The following RHNO1 variants were observed in gnomAD, a reference collection of about 807,000 sequenced individuals.
The protein encoded by RHNO1 is RAD9-HUS1-RAD1 interacting nuclear orphan 1.
In RHNO1, 9 loss-of-function variants were observed where a neutral mutation model predicts 7.2. The ratio of observed to expected loss-of-function variants is 1.25; its 90% CI spans 0.75 to 2.18. The LOEUF is 2.18. Among genes scored for constraint, RHNO1 ranks in the 30% most tolerant of loss-of-function variants. RHNO1 has a pLI of 0.00. For synonymous variants in RHNO1, 95 were observed against 107.5 expected, an observed-to-expected ratio of 0.88 and a Z score of 0.72; for missense variants, 292 against 284.5, an observed-to-expected ratio of 1.03 and a Z score of -0.19.
intron 1 of RHNO1, among the ~76,000 whole-genome samples, chr12:2,884,209 C>T (rs1393092010): frequency 6.6e-6 from 1 of 151,824 alleles, no homozygotes; most frequent in Non-Finnish European, 1.5e-5. Context: ...TACAGGCATG[C>T]ACCACCACAC....
intron 1 of RHNO1, among the ~76,000 whole-genome samples, chr12:2,879,814 A>G (rs1486896284): frequency 1.3e-5 from 2 of 151,982 alleles, no homozygotes; most frequent in Non-Finnish European, 2.9e-5. Flanking sequence ...ATAGAGTGAG[A>G]ACAGCTCCAA....
At chr12:2,883,851 G>T (rs1031370576) in intron 1 of RHNO1, among the ~76,000 whole-genome samples, 2 of 151,856 alleles carry the variant, frequency 1.3e-5, no homozygotes, top group African/African-American at 4.8e-5. Context: ...AGGGATAGAA[G>T]AAGTGGCTAG....
rs2098147270 is a variant in RHNO1, at chr12:2,877,256, A to C, written c.-111A>C. 1 of 152,064 alleles carries C rather than the reference A, an allele frequency of 6.6e-6. No homozygotes were observed. Among genetic ancestry groups the C allele is most frequent in the African/African-American group, 2.4e-5 (1 of 41,364 alleles). The allele number at this position is 152,064 out of a possible 1,614,324, so 9.4% of individuals were successfully genotyped here. A position where few individuals can be genotyped will look rare whatever the true frequency, so the allele number is the denominator to read the frequency against. ...CTCGAAGGCTGTGCGGTCTGCCAGG[A>C]GCTGCGGCCCCGTCCGGCCCGGGCT... is the stretch of plus-strand genomic sequence containing the variant. On this transcript the variant is annotated 5_prime_UTR_variant, in exon 1 of 3. Transcript: ENST00000489288.
intron 1 of RHNO1, among the ~76,000 whole-genome samples, chr12:2,880,431 A>G (rs1319643583): frequency 1.3e-5 from 2 of 151,924 alleles, no homozygotes; most frequent in Admixed American, 1.3e-4. Flanking sequence ...AGTCTGGCCA[A>G]CGTGGTGAAA....
rs571048470 is a variant in RHNO1, at chr12:2,883,808, G to A, written c.-84-1475G>A. On this transcript the variant is annotated intron_variant, in intron 1 of 2. Transcript: ENST00000489288. ...TGGGATTACAGGCATGAGCCACCGC[G>A]CCCGGCCAAATATATTTTCTTCCAA... Among the ~76,000 whole-genome samples the A allele has an allele frequency of 3.7e-4, 56 of 151,700 alleles. 1 individual carries two copies. Among genetic ancestry groups the A allele is most frequent in the African/African-American group, 1.3e-3 (54 of 41,300 alleles).
Position 2,885,303 on chromosome 12 carries a change from C to T in RHNO1, c.-64C>T. ...TACAGGCATGGGTTGGAATTGGAGC[C>T]TATCCCCCAACCCGAAGGCTAACAG... is the stretch of plus-strand genomic sequence containing the variant. On this transcript the variant is annotated 5_prime_UTR_variant, in exon 2 of 3. Coordinates refer to ENST00000489288, the MANE Select transcript of RHNO1 (RefSeq NM_001252499.3). 1 of 1,443,186 alleles carries T rather than the reference C, an allele frequency of 6.9e-7. No homozygotes were observed. Among genetic ancestry groups the T allele is most frequent in the Non-Finnish European group, 9.5e-7 (1 of 1,056,794 alleles). 89.4% of individuals were successfully genotyped at this position (1,443,186 alleles called of 1,614,324 possible). A position where few individuals can be genotyped will look rare whatever the true frequency, so the allele number is the denominator to read the frequency against.
At chr12:2,887,841 C>A in intron 2 of RHNO1, 70 bp from the exon 3 acceptor site, 2 of 1,259,536 alleles carry the variant, frequency 1.6e-6, no homozygotes, top group South Asian at 1.6e-5. Context: ...AGAGTCTGGT[C>A]ATCAGATACA....
chr12:2,877,309 G>C (rs973821429), intron 1 of RHNO1, 27 bp downstream of exon 1: 3 of 148,762 alleles, frequency 2.0e-5, no homozygotes, highest in Non-Finnish European at 4.4e-5. Flanking sequence ...GCCGGCTTGT[G>C]GGGGAAGAAG....
intron 1 of RHNO1, among the ~76,000 whole-genome samples, chr12:2,879,293 T>TG (rs1412606403): frequency 2.0e-5 from 3 of 151,926 alleles, no homozygotes; most frequent in Non-Finnish European, 4.4e-5. Context: ...CATGAGCCAC[T>TG]GTGCGCGGCC....
intron 1 of RHNO1, among the ~76,000 whole-genome samples, chr12:2,884,858 A>G (rs1314574339): frequency 2.0e-5 from 3 of 151,990 alleles, no homozygotes; most frequent in Non-Finnish European, 2.9e-5. Flanking sequence ...TGTTTCTTCT[A>G]TGCCTTTCAT....
chr12:2,888,215 AGAC>A lies in RHNO1; in HGVS notation c.474_476del (p.Gln158_Thr159delinsHis). 6.2e-7 allele frequency: 1 copy of A among 1,614,106 alleles called. No individual in the cohort carries two copies. Among genetic ancestry groups the A allele is most frequent in the Non-Finnish European group, 8.5e-7 (1 of 1,179,996 alleles). ...TATGTGTTCATTCCACCTGATATCC[AGAC>A]CCCAGAGTCATCGTCTGTGAAGGAA... On this transcript the variant is annotated inframe_deletion, in exon 3 of 3. Transcript: ENST00000489288.
intron 1 of RHNO1, among the ~76,000 whole-genome samples, chr12:2,883,891 C>T (rs7134422): frequency 0.44 from 66,317 of 151,058 alleles, 15,390 homozygotes; most frequent in East Asian, 0.64. Flanking sequence ...TTAGCCTAGC[C>T]GACAGTTATT....
At position 2,889,306 on chromosome 12, in the gene RHNO1, G is replaced by GT. The variant is rs1184969910; in HGVS notation, c.*851dup. The GT allele has an allele frequency of 1.3e-5, 2 of 152,188 alleles. No homozygotes were observed. The highest frequency in any genetic ancestry group is 2.9e-5 in the Non-Finnish European group (2 of 68,040). 9.4% of individuals were successfully genotyped at this position (152,188 alleles called of 1,614,324 possible). ...AGATGAGTTCTTTAGGATTGCGTGTGTTTTGAGTTTTTGTTTCTAACTGAA... is the reference window on the plus strand; with the variant it reads ...AGATGAGTTCTTTAGGATTGCGTGTGTTTTTGAGTTTTTGTTTCTAACTGAA... On this transcript the variant is annotated 3_prime_UTR_variant, in exon 3 of 3. Coordinates refer to ENST00000489288, the MANE Select transcript of RHNO1 (RefSeq NM_001252499.3).
At chr12:2,884,399 G>A (rs1163602783) in intron 1 of RHNO1, among the ~76,000 whole-genome samples, 3 of 152,286 alleles carry the variant, frequency 2.0e-5, no homozygotes, top group Non-Finnish European at 4.4e-5. Flanking sequence ...GCTAGTTTTT[G>A]TATTTTTAGT....
intron 1 of RHNO1, among the ~76,000 whole-genome samples, chr12:2,881,237 G>A (rs941967452): frequency 1.3e-5 from 2 of 151,740 alleles, no homozygotes; most frequent in Admixed American, 6.6e-5. Flanking sequence ...TGAGTAGCAG[G>A]GATTATAGGT....
intron 2 of RHNO1, 90 bp from the exon 3 acceptor site, chr12:2,887,821 C>A: frequency 2.8e-6 from 3 of 1,075,966 alleles, no homozygotes; most frequent in Non-Finnish European, 4.0e-6. Flanking sequence ...CTACAGTAGA[C>A]CCCGATTTAA....
chr12:2,888,762 T>G lies in RHNO1; in HGVS notation c.*303T>G. 4.2e-6 allele frequency: 1 copy of G among 239,644 alleles called. No homozygotes were observed. Among genetic ancestry groups the G allele is most frequent in the Non-Finnish European group, 8.1e-6 (1 of 123,448 alleles). The allele number at this position is 239,644 out of a possible 1,614,324, so 14.8% of individuals were successfully genotyped here. ...CCAGGCTGGTCTCAAAATCCTGACC[T>G]CAAGTCATCTGCTGGCCTTGACCTC... On this transcript the variant is annotated 3_prime_UTR_variant, in exon 3 of 3. Coordinates refer to ENST00000489288, the MANE Select transcript of RHNO1 (RefSeq NM_001252499.3).
chr12:2,887,803 G>C, intron 2 of RHNO1, 108 bp from the exon 3 acceptor site: 1 of 870,234 alleles, frequency 1.1e-6, no homozygotes, highest in Non-Finnish European at 1.7e-6. Flanking sequence ...TTAGTTTTGT[G>C]TTCATTACTA....
intron 1 of RHNO1, among the ~76,000 whole-genome samples, chr12:2,883,084 A>AAAAAAAACACAC (rs1176902071): frequency 6.0e-4 from 60 of 99,798 alleles, no homozygotes; most frequent in African/African-American, 2.3e-3. Flanking sequence ...AAAAAAAAAA[A>AAAAAAAACACAC]ACACATAGAA....
Sources: allele counts gnomAD v4.1 joint callset (sites outside exome capture counted in the v4.1 genomes callset), GRCh38; gene constraint gnomAD v4.1.1; transcripts MANE v1.5; gene names NCBI Gene and HGNC (gene_info 2026-07-23, HGNC 2026-07-21).